Variants in PARP4 observed in about 807,000 individuals in gnomAD.
PARP4 encodes protein mono-ADP-ribosyltransferase PARP4.
In PARP4, 120 loss-of-function variants were observed where a neutral mutation model predicts 187.7. The observed-to-expected ratio is 0.64, with a 90% confidence interval of 0.55 to 0.74. PARP4 has a LOEUF of 0.74. Ranked by LOEUF, PARP4 falls within the 30% of genes least tolerant of loss-of-function variation. The probability of loss-of-function intolerance (pLI) is 0.00; values close to 1 mark genes in which losing one functional copy is unlikely to be tolerated. For missense variants in PARP4, 1,836 were observed against 2,070.5 expected (o/e 0.89, Z 2.20); for synonymous variants, 654 against 740.9 (o/e 0.88, Z 1.90).
At chr13:24,478,983 G>A (rs1873125592) in intron 12 of PARP4, among the ~76,000 whole-genome samples, 1 of 152,148 alleles carries the variant, frequency 6.6e-6, no homozygotes, top group South Asian at 2.1e-4. Flanking sequence ...TAAGAACCGT[G>A]GGTACCAAGT....
At chr13:24,504,307 C>CT (rs11434017) in intron 1 of PARP4, among the ~76,000 whole-genome samples, 38,635 of 87,860 alleles carry the variant, frequency 0.44, 7,737 homozygotes, top group South Asian at 0.53. Context: ...CATTTAGGTT[C>CT]TTTTTTTTTT....
intron 10 of PARP4, among the ~76,000 whole-genome samples, chr13:24,487,201 A>C (rs1386540226): frequency 6.6e-6 from 1 of 151,760 alleles, no homozygotes; most frequent in African/African-American, 2.4e-5. Flanking sequence ...CAGAGGTTGC[A>C]GTGAGCCAAG....
chr13:24,468,492 C>T (rs2137497217), intron 17 of PARP4, among the ~76,000 whole-genome samples: 1 of 151,448 alleles, frequency 6.6e-6, no homozygotes, highest in Admixed American at 6.6e-5. Flanking sequence ...GCAACCTCTG[C>T]CCCCCAGGTT....
rs1214175542 is a variant in PARP4 at position 24,494,699 on chromosome 13, C to G, written c.615G>C (p.Lys205Asn). The G allele has an allele frequency of 6.2e-7, 1 of 1,607,130 alleles. No homozygotes were observed. Among genetic ancestry groups the G allele is most frequent in the Non-Finnish European group, 8.5e-7 (1 of 1,175,440 alleles). Residue 205 changes from lysine (K) to asparagine (N), a missense_variant, in exon 7 of 34, where the codon AAG becomes AAC. Physicochemically the swap from Lys to Asn is moderately conservative, Grantham distance 94. Around this residue, in one of 8 missense-constraint regions of PARP4, gnomAD observed 1,147 missense variants for 1,214.2 expected, o/e 0.94. Transcript: ENST00000381989. Reference sequence around the variant, plus strand: ...ATTCACTTGCATCTTCAGAGGTTTTCTTTATAGCAAACTGTCTTCTAGTCT... The same window carrying G: ...ATTCACTTGCATCTTCAGAGGTTTTGTTTATAGCAAACTGTCTTCTAGTCT... ...GMETRRQFAI[K>N]KTSEDASEYF...
intron 2 of PARP4, 79 bp from the exon 3 acceptor site, chr13:24,501,913 C>T (rs1265112149): frequency 7.8e-6 from 7 of 901,312 alleles, no homozygotes; most frequent in African/African-American, 1.7e-5. Context: ...GTAATTTTCA[C>T]CCTTAGAAAG....
intron 6 of PARP4, 73 bp downstream of exon 6, chr13:24,498,043 G>A (rs17470243): frequency 0.11 from 109,968 of 1,022,200 alleles, 6,511 homozygotes; most frequent in Middle Eastern, 0.13. Flanking sequence ...AGGTTGGGAG[G>A]TCGGCTGATT....
chr13:24,460,951 G>A (rs1365261938), intron 17 of PARP4, among the ~76,000 whole-genome samples: 1 of 152,172 alleles, frequency 6.6e-6, no homozygotes, highest in Non-Finnish European at 1.5e-5. Flanking sequence ...ACAGGTGTGA[G>A]CTACCACACC....
In PARP4 at chr13:24,494,621, TTC is replaced by T; in HGVS notation, c.691_692del (p.Glu231ThrfsTer5). On this transcript the variant is annotated frameshift_variant, in exon 7 of 34. Coordinates refer to ENST00000381989, the MANE Select transcript of PARP4 (RefSeq NM_006437.4). LOFTEE classifies it high-confidence loss of function. ...ATTGGGTTGCTTCAGGTGTGAAATG[TTC>T]TCTTAGTAGAAATCCTTGTTTCTTC... ...ELKKQGFLLR[E>X]HFTPEATQLA... The T allele has an allele frequency of 6.2e-7, 1 of 1,612,022 alleles. No individual in the cohort carries two copies.
chr13:24,459,996 G>A lies in PARP4; in HGVS notation c.2274C>T (p.Asp758=), dbSNP rs1566001407. The change falls in exon 18 of 34, where the codon GAC becomes GAT. Residue 758 remains aspartate, a synonymous_variant. Coordinates refer to ENST00000381989, the MANE Select transcript of PARP4 (RefSeq NM_006437.4). ...MPATVAPWQQ[D]KALNENLQDT... is the part of the protein sequence containing the mutation. ...CCTGAAGGTTTTCATTCAAAGCCTT[G>A]TCCTGTTGCCAGGGTGCTACGGTGG... 3 of 1,614,072 alleles carry A rather than the reference G, an allele frequency of 1.9e-6. No individual in the cohort carries two copies. The highest frequency in any genetic ancestry group is 1.7e-5 in the Admixed American group (1 of 59,988).
chr13:24,491,474 G>A (rs143381399), intron 9 of PARP4, among the ~76,000 whole-genome samples: 1 of 152,186 alleles, frequency 6.6e-6, no homozygotes, highest in African/African-American at 2.4e-5. Flanking sequence ...ATTTGGAAGG[G>A]TCTTATATTT....
At chr13:24,446,364 T>C (rs534358658) in intron 27 of PARP4, among the ~76,000 whole-genome samples, 1 of 152,304 alleles carries the variant, frequency 6.6e-6, no homozygotes, top group African/African-American at 2.4e-5. Context: ...GTAATGAAAT[T>C]TCAACACAGG....
rs140804702 is a variant in PARP4 at position 24,468,400 on chromosome 13, CTTTTTTTTTTT to C, written c.2133+613_2133+623del. The stretch of plus-strand genomic sequence containing the variant: ...GGAAAATTGTAAATATATCACACTC[CTTTTTTTTTTT>C]TTTTTTTTTTGAGATGGAGTTTCGC... On this transcript the variant is annotated intron_variant, in intron 17 of 33. Coordinates refer to ENST00000381989, the MANE Select transcript of PARP4 (RefSeq NM_006437.4). Among the ~76,000 whole-genome samples, 8 of 121,266 alleles carry C rather than the reference CTTTTTTTTTTT, an allele frequency of 6.6e-5. No individual in the cohort carries two copies. The East Asian group carries it at 9.9e-4, about 15-fold the overall frequency. 79.6% of individuals were successfully genotyped at this position (121,266 alleles called of 152,430 possible). A position where few individuals can be genotyped will look rare whatever the true frequency, so the allele number is the denominator to read the frequency against.
At chr13:24,423,015 A>C (rs766029555) in intron 33 of PARP4, among the ~76,000 whole-genome samples, 35 of 152,296 alleles carry the variant, frequency 2.3e-4, no homozygotes, top group Middle Eastern at 3.4e-3. Context: ...AATTTTGAAA[A>C]TCTTTACTTT....
At chr13:24,494,879 CT>C (rs139965809) in intron 6 of PARP4, among the ~76,000 whole-genome samples, 157 bp from the exon 7 acceptor site, 20 of 146,540 alleles carry the variant, frequency 1.4e-4, no homozygotes, top group Admixed American at 3.4e-4. Context: ...TTTTCTTTTT[CT>C]TTTTTTTTTG....
chr13:24,494,675 T>G lies in PARP4; in HGVS notation c.639A>C (p.Glu213Asp). 6.2e-7 allele frequency: 1 copy of G among 1,609,384 alleles called. No individual in the cohort carries two copies. Among genetic ancestry groups the G allele is most frequent in the South Asian group, 1.1e-5 (1 of 90,608 alleles). ...GTTCTTCAATGTAATTTTCAAAGTATTCACTTGCATCTTCAGAGGTTTTCT... is the reference window on the plus strand; with the variant it reads ...GTTCTTCAATGTAATTTTCAAAGTAGTCACTTGCATCTTCAGAGGTTTTCT... Reference protein sequence around the residue: ...AIKKTSEDASEYFENYIEELK... With the variant: ...AIKKTSEDASDYFENYIEELK... Residue 213 changes from glutamate (E) to aspartate (D), a missense_variant, in exon 7 of 34, where the codon GAA becomes GAC. Around this residue, in one of 8 missense-constraint regions of PARP4, gnomAD observed 1,147 missense variants for 1,214.2 expected, o/e 0.94. Transcript: ENST00000381989.
At chr13:24,464,455 G>A (rs933922758) in intron 17 of PARP4, among the ~76,000 whole-genome samples, 5 of 152,086 alleles carry the variant, frequency 3.3e-5, no homozygotes, top group Non-Finnish European at 5.9e-5. Context: ...TAGACACATA[G>A]ACCAATGGAA....
At chr13:24,512,542 G>C (rs1233952386) in intron 1 of PARP4, among the ~76,000 whole-genome samples, 164 bp downstream of exon 1, 2 of 152,206 alleles carry the variant, frequency 1.3e-5, no homozygotes, top group African/African-American at 4.8e-5. Flanking sequence ...GGCGCTGGCT[G>C]CACTAGCTAG....
intron 29 of PARP4, 78 bp from the exon 30 acceptor site, chr13:24,442,046 G>C (rs1870955704): frequency 1.5e-6 from 2 of 1,323,100 alleles, no homozygotes; most frequent in Admixed American, 2.5e-5. Context: ...AAAGCCTATG[G>C]GGTGTTGGTT....
intron 5 of PARP4, among the ~76,000 whole-genome samples, chr13:24,498,545 A>C (rs2137539769): frequency 6.6e-6 from 1 of 152,292 alleles, no homozygotes; most frequent in Non-Finnish European, 1.5e-5. Context: ...TTATTAACAT[A>C]TCTCAAAATA....
Sources: allele counts gnomAD v4.1 joint callset (sites outside exome capture counted in the v4.1 genomes callset), GRCh38; gene constraint gnomAD v4.1.1; regional missense constraint gnomAD v4.1.1; transcripts MANE v1.5; gene names NCBI Gene and HGNC (gene_info 2026-07-23, HGNC 2026-07-21).